Variants in IPCEF1 observed in about 807,000 individuals in gnomAD.
IPCEF1 encodes the protein interaction protein for cytohesin exchange factors 1.
IPCEF1 carries 31 observed loss-of-function variants against 50.9 expected under a neutral mutation model. The ratio of observed to expected loss-of-function variants is 0.61; its 90% CI spans 0.46 to 0.82. The LOEUF is 0.82. Ranked by LOEUF, IPCEF1 falls within the 40% of genes least tolerant of loss-of-function variation. The pLI, the probability that IPCEF1 is intolerant of heterozygous loss-of-function variation, is 0.00. For synonymous variants in IPCEF1, 181 were observed against 192.0 expected (o/e 0.94, Z 0.47); for missense variants, 458 against 514.0 (o/e 0.89, Z 1.05).
Position 154,154,496 on chromosome 6 carries a change from T to C in IPCEF1, c.*5332A>G, listed in dbSNP as rs1276265785. On this transcript the variant is annotated 3_prime_UTR_variant, in exon 12 of 12. Transcript: ENST00000367220. ...CCACATCGATTATTGTTGAAACAGATTTCCAATATAATTAGATCTTTTATT... is the reference window on the plus strand; with the variant it reads ...CCACATCGATTATTGTTGAAACAGACTTCCAATATAATTAGATCTTTTATT... 1 of 152,174 alleles carries C rather than the reference T, an allele frequency of 6.6e-6. No individual in the cohort carries two copies. The highest frequency in any genetic ancestry group is 1.9e-4 in the East Asian group (1 of 5,204). 9.4% of individuals were successfully genotyped at this position (152,174 alleles called of 1,614,324 possible).
intron 1 of IPCEF1, among the ~76,000 whole-genome samples, chr6:154,295,176 C>T (rs974324739): frequency 2.0e-5 from 3 of 151,504 alleles, no homozygotes; most frequent in African/African-American, 4.9e-5. Flanking sequence ...CCAGCCTGGG[C>T]GACAGAGTGA....
At chr6:154,234,576 C>A (rs1583867198) in intron 5 of IPCEF1, among the ~76,000 whole-genome samples, 4 of 152,210 alleles carry the variant, frequency 2.6e-5, no homozygotes, top group Admixed American at 2.6e-4. Context: ...TAAAAGTCAA[C>A]CAAGGATATG....
At chr6:154,239,982 G>A (rs529088525) in intron 5 of IPCEF1, among the ~76,000 whole-genome samples, 13 of 152,258 alleles carry the variant, frequency 8.5e-5, no homozygotes, top group South Asian at 4.1e-4. Flanking sequence ...GACTACAGGC[G>A]TGAGCCACAG....
chr6:154,240,797 AC>A (rs1215611982), intron 5 of IPCEF1, among the ~76,000 whole-genome samples: 1 of 152,224 alleles, frequency 6.6e-6, no homozygotes, highest in Non-Finnish European at 1.5e-5. Context: ...AACATGCAAA[AC>A]TTTCACAATT....
chr6:154,323,734 C>A (rs937997006), intron 1 of IPCEF1, among the ~76,000 whole-genome samples: 5 of 152,130 alleles, frequency 3.3e-5, no homozygotes, highest in African/African-American at 1.2e-4. Context: ...GGGCAGATCA[C>A]CTGAGGTCAG....
chr6:154,355,490 C>CTTTTTTTTTTTTTTTTTTTTTT (rs1562300809), intron 1 of IPCEF1, among the ~76,000 whole-genome samples: 1 of 136,344 alleles, frequency 7.3e-6, no homozygotes. Context: ...TTCTTTCTTT[C>CTTTTTTTTTTTTTTTTTTTTTT]TTTCTTTTTT....
At position 154,355,401 on chromosome 6, in the gene IPCEF1, C is replaced by A. The variant is rs73792416; in HGVS notation, c.-62+1271G>T. On this transcript the variant is annotated intron_variant, in intron 1 of 11. Coordinates refer to ENST00000367220, the MANE Select transcript of IPCEF1 (RefSeq NM_001130700.2). Reference sequence around the variant, plus strand: ...TAAAGAATGAGTTCATCAACACATACACAAACTTACACCCTTTTCTTCCTT... The same window carrying A: ...TAAAGAATGAGTTCATCAACACATAAACAAACTTACACCCTTTTCTTCCTT... 4.3e-3 allele frequency among the ~76,000 whole-genome samples: 653 copies of A among 152,164 alleles called. 3 individuals are homozygous for A. Among genetic ancestry groups the A allele is most frequent in the African/African-American group, 0.015 (620 of 41,518 alleles).
Position 154,340,497 on chromosome 6 carries a change from C to T in IPCEF1, c.-62+16175G>A, listed in dbSNP as rs945756827. 2.6e-5 allele frequency among the ~76,000 whole-genome samples: 4 copies of T among 152,004 alleles called. No homozygotes were observed. The East Asian group carries it at 5.9e-4, about 22-fold the overall frequency. ...AACTCCTAAACTCAGGTGATCTGCC[C>T]ACCTCAGCCCTCCCAAAGTGCTGGG... On this transcript the variant is annotated intron_variant, in intron 1 of 11. Coordinates refer to ENST00000367220, the MANE Select transcript of IPCEF1 (RefSeq NM_001130700.2).
intron 10 of IPCEF1, among the ~76,000 whole-genome samples, chr6:154,195,399 G>A (rs371078493): frequency 4.4e-4 from 67 of 152,004 alleles, no homozygotes; most frequent in Middle Eastern, 6.8e-3. Context: ...CGCCCACCTC[G>A]GCCTCCCAAA....
chr6:154,242,175 C>T (rs749171956), intron 5 of IPCEF1, among the ~76,000 whole-genome samples: 25 of 152,268 alleles, frequency 1.6e-4, no homozygotes, highest in Non-Finnish European at 3.1e-4. Flanking sequence ...CCCCAGAATG[C>T]GCATCTCCCA....
At chr6:154,253,906 TA>T (rs1434042397) in intron 3 of IPCEF1, among the ~76,000 whole-genome samples, 3 of 152,198 alleles carry the variant, frequency 2.0e-5, no homozygotes, top group African/African-American at 2.4e-5. Flanking sequence ...AAATTACTGT[TA>T]TTTTTTTTCC....
At chr6:154,211,981 C>T (rs1777998081) in intron 9 of IPCEF1, among the ~76,000 whole-genome samples, 2 of 152,108 alleles carry the variant, frequency 1.3e-5, no homozygotes, top group Admixed American at 6.5e-5. Flanking sequence ...AGGTGCTTGG[C>T]CTCATTAAAT....
chr6:154,268,572 C>T (rs1649781453), intron 2 of IPCEF1, among the ~76,000 whole-genome samples: 1 of 152,146 alleles, frequency 6.6e-6, no homozygotes, highest in African/African-American at 2.4e-5. Context: ...TGATTTTTTT[C>T]AATGCACATC....
At chr6:154,291,547 T>C (rs1782512797) in intron 1 of IPCEF1, among the ~76,000 whole-genome samples, 1 of 152,194 alleles carries the variant, frequency 6.6e-6, no homozygotes, top group African/African-American at 2.4e-5. Flanking sequence ...TCTCTCTGCA[T>C]ATCTAAATAT....
chr6:154,245,761 T>C (rs906730658), intron 5 of IPCEF1, among the ~76,000 whole-genome samples: 1 of 152,174 alleles, frequency 6.6e-6, no homozygotes, highest in Admixed American at 6.6e-5. Flanking sequence ...AGAGCAGCAA[T>C]CAAACCTCAC....
In IPCEF1 at chr6:154,191,027, GC is replaced by G. The variant is rs563150412; in HGVS notation, c.910+8640del. Among the ~76,000 whole-genome samples, 177 of 152,236 alleles carry G rather than the reference GC, an allele frequency of 1.2e-3. 1 individual carries two copies. The highest frequency in any genetic ancestry group is 3.3e-3 in the Admixed American group (51 of 15,282). ...GCCGAGATCGCGCCACTGCACTGCA[GC>G]CTGGACGACAGAGAGAGACTCCATC... On this transcript the variant is annotated intron_variant, in intron 10 of 11. Transcript: ENST00000367220.
intron 2 of IPCEF1, among the ~76,000 whole-genome samples, chr6:154,275,928 C>T (rs1174637782): frequency 2.6e-5 from 4 of 152,108 alleles, no homozygotes; most frequent in African/African-American, 9.7e-5. Flanking sequence ...GCCTGTAATC[C>T]TAGCACTTTG....
At chr6:154,182,495 A>G (rs895513544) in intron 10 of IPCEF1, among the ~76,000 whole-genome samples, 3 of 152,218 alleles carry the variant, frequency 2.0e-5, no homozygotes, top group Non-Finnish European at 4.4e-5. Flanking sequence ...ATTTGTTTTT[A>G]AATTTTATTC....
intron 3 of IPCEF1, among the ~76,000 whole-genome samples, chr6:154,262,780 T>A (rs1390088046): frequency 2.3e-5 from 1 of 44,054 alleles, no homozygotes; most frequent in African/African-American, 7.6e-5. Context: ...TTTTTTTTTT[T>A]TTTTTTTTTT....
Sources: allele counts gnomAD v4.1 joint callset (sites outside exome capture counted in the v4.1 genomes callset), GRCh38; gene constraint gnomAD v4.1.1; transcripts MANE v1.5; gene names NCBI Gene and HGNC (gene_info 2026-07-23, HGNC 2026-07-21).